The following ARHGAP8 variants were observed in gnomAD, a reference collection of about 807,000 sequenced individuals.
The protein encoded by ARHGAP8 is Rho GTPase activating protein 8.
A neutral mutation model predicts 46.1 loss-of-function variants in ARHGAP8; 62 were observed. The ratio of observed to expected loss-of-function variants is 1.34; its 90% CI spans 1.10 to 1.66. ARHGAP8 has a LOEUF of 1.66. Ranked by LOEUF, ARHGAP8 falls within the 40% of genes most tolerant of loss-of-function variation. The pLI is 0.00. For synonymous variants in ARHGAP8, 375 were observed against 243.1 expected (o/e 1.54, Z -5.05); for missense variants, 923 against 568.4 (o/e 1.62, Z -6.34).
Position 44,845,004 on chromosome 22 carries a change from G to GC in ARHGAP8, c.597-260dup, listed in dbSNP as rs1211285990. 5.9e-5 allele frequency among the ~76,000 whole-genome samples: 9 copies of GC among 152,058 alleles called. No homozygotes were observed. The South Asian group carries it at 1.9e-3, about 32-fold the overall frequency. Reference sequence around the variant, plus strand: ...TCCCTCAAAACCCAGCTCTGAAGTTGCCCCCTGGGGAAGCCCTCCCCAAAC... The same window carrying GC: ...TCCCTCAAAACCCAGCTCTGAAGTTGCCCCCCTGGGGAAGCCCTCCCCAAAC... On this transcript the variant is annotated intron_variant, in intron 7 of 11. Transcript: ENST00000356099.
At chr22:44,853,343 A>G (rs1185199145) in intron 10 of ARHGAP8, among the ~76,000 whole-genome samples, 1 of 152,192 alleles carries the variant, frequency 6.6e-6, no homozygotes, top group Non-Finnish European at 1.5e-5. Context: ...GTTTATATCA[A>G]GTCTTCCAGC....
chr22:44,816,745 C>T (rs1298414874), intron 5 of ARHGAP8, among the ~76,000 whole-genome samples: 3 of 142,934 alleles, frequency 2.1e-5, no homozygotes, highest in Non-Finnish European at 4.4e-5. Context: ...TTCAAGGCTG[C>T]AGTGGCTTGT....
At chr22:44,786,225 G>T in intron 1 of ARHGAP8, 2 of 617,432 alleles carry the variant, frequency 3.2e-6, no homozygotes, top group African/African-American at 1.9e-5. Flanking sequence ...GATGTAGAGT[G>T]TATAATGGGT....
chr22:44,821,214 G>A lies in ARHGAP8; in HGVS notation c.387-1157G>A, dbSNP rs564195001. Among the ~76,000 whole-genome samples, 900 of 152,144 alleles carry A rather than the reference G, an allele frequency of 5.9e-3. 9 individuals carry two copies. The highest frequency in any genetic ancestry group is 9.5e-3 in the Non-Finnish European group (643 of 67,996). On this transcript the variant is annotated intron_variant, in intron 5 of 11. Coordinates refer to ENST00000356099, the MANE Select transcript of ARHGAP8 (RefSeq NM_181335.3). ...TGGGAGGCCAAGGCGGGCGGATCACGAGGTCAGGAGATCGAGACCATCCTG... is the reference window on the plus strand; with the variant it reads ...TGGGAGGCCAAGGCGGGCGGATCACAAGGTCAGGAGATCGAGACCATCCTG...
intron 7 of ARHGAP8, among the ~76,000 whole-genome samples, chr22:44,843,484 ATAAAG>A (rs1569175287): frequency 6.6e-6 from 1 of 152,248 alleles, no homozygotes; most frequent in African/African-American, 2.4e-5. Context: ...AATAAAAATA[ATAAAG>A]TAGTATGAGG....
At chr22:44,804,892 G>A (rs1202913055) in intron 3 of ARHGAP8, among the ~76,000 whole-genome samples, 3 of 152,232 alleles carry the variant, frequency 2.0e-5, no homozygotes, top group Admixed American at 6.5e-5. Context: ...GGTGCCGGGA[G>A]CGACTTCCAC....
intron 7 of ARHGAP8, among the ~76,000 whole-genome samples, chr22:44,830,309 C>T (rs911667568): frequency 4.0e-5 from 6 of 151,784 alleles, no homozygotes; most frequent in African/African-American, 1.2e-4. Context: ...CAGGCGTGAG[C>T]CACTGCACCC....
intron 1 of ARHGAP8, among the ~76,000 whole-genome samples, chr22:44,775,603 AC>A (rs1926364733): frequency 6.6e-6 from 1 of 152,072 alleles, no homozygotes; most frequent in Non-Finnish European, 1.5e-5. Context: ...ATGTGCCACC[AC>A]GCCCGGCTAA....
At chr22:44,762,904 C>T (rs1925253184) in intron 1 of ARHGAP8, among the ~76,000 whole-genome samples, 1 of 152,028 alleles carries the variant, frequency 6.6e-6, no homozygotes, top group Non-Finnish European at 1.5e-5. Flanking sequence ...CAAGGAGGGG[C>T]CTAGATAGCT....
At chr22:44,770,176 G>A (rs1339891654) in intron 1 of ARHGAP8, among the ~76,000 whole-genome samples, 5 of 152,052 alleles carry the variant, frequency 3.3e-5, no homozygotes, top group East Asian at 1.9e-4. Context: ...CCCAGGAGGC[G>A]GAGGTTACCG....
rs768043800 is a variant in ARHGAP8 at position 44,862,475 on chromosome 22, A to C, written c.1182A>C (p.Pro394=). The stretch of plus-strand genomic sequence containing the variant: ...CACCTGGGGAGCACGGCCTGGCACC[A>C]TGGGAACAGGGGAGCAGGGCAGCCC... ...PEAPGEHGLA[P]WEQGSRAAPL... Residue 394 remains proline (P), a synonymous_variant, in exon 12 of 12, where the codon CCA becomes CCC. Transcript: ENST00000356099. The C allele has an allele frequency of 1.5e-5, 25 of 1,613,962 alleles. No homozygotes were observed. Among genetic ancestry groups the C allele is most frequent in the Admixed American group, 8.3e-5 (5 of 60,026 alleles).
At chr22:44,780,415 C>A (rs1325305177) in intron 1 of ARHGAP8, among the ~76,000 whole-genome samples, 1 of 152,080 alleles carries the variant, frequency 6.6e-6, no homozygotes, top group Non-Finnish European at 1.5e-5. Flanking sequence ...AATCCCTGCA[C>A]CTTGGGATGC....
At chr22:44,848,794 A>G (rs1293055394) in intron 9 of ARHGAP8, 138 bp from the exon 10 acceptor site, 5 of 1,482,112 alleles carry the variant, frequency 3.4e-6, no homozygotes, top group Admixed American at 2.0e-5. Context: ...TGGGGACAGC[A>G]TCATCCCTAG....
At chr22:44,829,830 T>C (rs1348689167) in intron 7 of ARHGAP8, among the ~76,000 whole-genome samples, 1 of 152,132 alleles carries the variant, frequency 6.6e-6, no homozygotes, top group Admixed American at 6.5e-5. Flanking sequence ...AATGAGCTAA[T>C]GAAGTTAATA....
intron 1 of ARHGAP8, among the ~76,000 whole-genome samples, chr22:44,782,435 T>C (rs1299290246): frequency 6.6e-6 from 1 of 152,194 alleles, no homozygotes; most frequent in Non-Finnish European, 1.5e-5. Flanking sequence ...CCACCGCTGC[T>C]AGTTAGTTCC....
chr22:44,827,335 G>GTTTTTTTTTTT (rs1569165898), intron 7 of ARHGAP8, among the ~76,000 whole-genome samples: 2 of 41,714 alleles, frequency 4.8e-5, no homozygotes, highest in Non-Finnish European at 9.2e-5. Flanking sequence ...TTTGGGTGGT[G>GTTTTTTTTTTT]GTTTTTTTTT....
At chr22:44,818,066 A>C (rs1046726268) in intron 5 of ARHGAP8, among the ~76,000 whole-genome samples, 2 of 152,192 alleles carry the variant, frequency 1.3e-5, no homozygotes, top group Admixed American at 1.3e-4. Flanking sequence ...GTGAGCTGAG[A>C]TAGCACCACT....
intron 11 of ARHGAP8, among the ~76,000 whole-genome samples, chr22:44,861,211 A>C (rs537674463): frequency 6.6e-6 from 1 of 152,000 alleles, no homozygotes; most frequent in South Asian, 2.1e-4. Flanking sequence ...ACCTCAGGTG[A>C]TCCACCTGCC....
chr22:44,806,839 C>T (rs1928957473), intron 3 of ARHGAP8, among the ~76,000 whole-genome samples: 1 of 151,944 alleles, frequency 6.6e-6, no homozygotes, highest in Non-Finnish European at 1.5e-5. Context: ...TGGCAGGCGC[C>T]TGTAGTCCCA....
Sources: allele counts gnomAD v4.1 joint callset (sites outside exome capture counted in the v4.1 genomes callset), GRCh38; gene constraint gnomAD v4.1.1; transcripts MANE v1.5; gene names NCBI Gene and HGNC (gene_info 2026-07-23, HGNC 2026-07-21).